Variants in SUMF1 observed in about 807,000 individuals in gnomAD.
SUMF1 encodes the protein sulfatase modifying factor 1.
In SUMF1, 48 loss-of-function variants were observed where a neutral mutation model predicts 47.6. That is an observed-to-expected ratio of 1.01 (90% CI 0.80 to 1.28). The LOEUF is 1.28. Ranked by LOEUF, SUMF1 falls within the 50% of genes most tolerant of loss-of-function variation. SUMF1 has a pLI of 0.00. For synonymous variants in SUMF1, 230 were observed against 192.1 expected (o/e 1.20, Z -1.63); for missense variants, 571 against 485.4 (o/e 1.18, Z -1.66).
intron 8 of SUMF1, among the ~76,000 whole-genome samples, chr3:4,218,840 A>G (rs772577883): frequency 6.6e-6 from 1 of 152,166 alleles, no homozygotes; most frequent in Non-Finnish European, 1.5e-5. Context: ...GTCTAATTAC[A>G]CAAGCTGTTT....
chr3:4,258,983 G>A (rs1005721581), intron 8 of SUMF1, among the ~76,000 whole-genome samples: 2 of 149,258 alleles, frequency 1.3e-5, no homozygotes, highest in East Asian at 3.9e-4. Flanking sequence ...TGAAATTGGA[G>A]ATCATCATTC....
chr3:4,444,834 T>C (rs1702724592), intron 3 of SUMF1, among the ~76,000 whole-genome samples: 1 of 152,218 alleles, frequency 6.6e-6, no homozygotes, highest in Non-Finnish European at 1.5e-5. Context: ...ACCCAGGGCC[T>C]AGACAGGGTC....
intron 8 of SUMF1, among the ~76,000 whole-genome samples, chr3:4,254,507 G>T (rs1161730360): frequency 6.7e-6 from 1 of 149,634 alleles, no homozygotes; most frequent in Non-Finnish European, 1.5e-5. Context: ...TGGAAGAAAG[G>T]GTATCAGCAA....
At chr3:4,291,337 C>G (rs1359186479) in intron 8 of SUMF1, among the ~76,000 whole-genome samples, 1 of 151,984 alleles carries the variant, frequency 6.6e-6, no homozygotes, top group African/African-American at 2.4e-5. Context: ...GCCCTGACTC[C>G]CATCTTATTC....
chr3:4,302,303 A>T (rs1697988099), intron 8 of SUMF1, among the ~76,000 whole-genome samples: 1 of 152,208 alleles, frequency 6.6e-6, no homozygotes, highest in Non-Finnish European at 1.5e-5. Context: ...AAAGGCAGAC[A>T]ACGAGAAGCG....
At chr3:4,207,939 G>A (rs1454694191) in intron 8 of SUMF1, among the ~76,000 whole-genome samples, 1 of 152,108 alleles carries the variant, frequency 6.6e-6, no homozygotes, top group East Asian at 1.9e-4. Flanking sequence ...CAGGGAGAAT[G>A]AGTCATAGGA....
intron 8 of SUMF1, among the ~76,000 whole-genome samples, chr3:4,258,956 C>G (rs1697020774): frequency 6.8e-6 from 1 of 147,774 alleles, no homozygotes; most frequent in African/African-American, 2.5e-5. Context: ...AGTTCATGTC[C>G]TTTGTAGGGA....
At chr3:4,303,619 G>A (rs1207237527) in intron 8 of SUMF1, 7 of 1,380,308 alleles carry the variant, frequency 5.1e-6, no homozygotes, top group Non-Finnish European at 6.5e-6. Context: ...TCCCAGTCGC[G>A]ACCTTTTGTC....
chr3:4,327,379 A>G (rs1698966984), intron 8 of SUMF1, among the ~76,000 whole-genome samples: 1 of 152,150 alleles, frequency 6.6e-6, no homozygotes, highest in Admixed American at 6.6e-5. Flanking sequence ...CTTTTCCATA[A>G]ATTTCCCAAA....
intron 7 of SUMF1, among the ~76,000 whole-genome samples, chr3:4,388,252 C>T (rs1351334443): frequency 6.6e-6 from 1 of 152,040 alleles, no homozygotes; most frequent in African/African-American, 2.4e-5. Context: ...GCTCCATTCT[C>T]TGGGGCATAC....
chr3:4,467,241 G>T lies in SUMF1; in HGVS notation c.5C>A (p.Ala2Asp). 6.2e-7 allele frequency: 1 copy of T among 1,608,510 alleles called. No individual in the cohort carries two copies. The highest frequency in any genetic ancestry group is 8.5e-7 in the Non-Finnish European group (1 of 1,177,924). The change falls in exon 1 of 9, where the codon GCT becomes GAT. Residue 2 changes from alanine (A) to aspartate (D), a missense_variant. Coordinates refer to ENST00000272902, the MANE Select transcript of SUMF1 (RefSeq NM_182760.4). The stretch of plus-strand genomic sequence containing the variant: ...ACACACCAGCCCTAGTGCGGGCGCA[G>T]CCATGTTGTCCCGCGGGCCATGTGA... M[A>D]APALGLVCGR...
chr3:4,300,491 T>C (rs746103581), intron 8 of SUMF1, among the ~76,000 whole-genome samples: 6 of 152,248 alleles, frequency 3.9e-5, no homozygotes, highest in Admixed American at 3.9e-4. Context: ...CAAAATTATG[T>C]GATTTTATAC....
intron 8 of SUMF1, among the ~76,000 whole-genome samples, chr3:4,341,808 ACCTAGAC>A (rs1699278068): frequency 6.6e-6 from 1 of 152,176 alleles, no homozygotes; most frequent in South Asian, 2.1e-4. Flanking sequence ...TGCCTTGCTC[ACCTAGAC>A]ACTGTCACAA....
rs538435700 is a variant in SUMF1 at position 4,188,216 on chromosome 3, C to T, written c.1015-119471G>A. Among the ~76,000 whole-genome samples the T allele has an allele frequency of 9.9e-5, 15 of 151,200 alleles. No individual in the cohort carries two copies. In the East Asian group the frequency reaches 1.8e-3, roughly 18 times the overall value. ...TTTGAGACAGAGTCTCACTCTGTTA[C>T]GCAGGCTGGAGTGCAACGGGGTAAT... On this transcript the variant is annotated intron_variant and NMD_transcript_variant, in intron 8 of 12. Transcript: ENST00000448413.
chr3:4,057,182 C>T (rs1695207868), intron 9 of SUMF1, among the ~76,000 whole-genome samples: 1 of 152,106 alleles, frequency 6.6e-6, no homozygotes, highest in Non-Finnish European at 1.5e-5. Flanking sequence ...GTAGCACCAC[C>T]AGCTGCACTC....
intron 8 of SUMF1, among the ~76,000 whole-genome samples, chr3:4,147,813 T>A (rs538924660): frequency 4.6e-5 from 7 of 152,250 alleles, no homozygotes; most frequent in African/African-American, 1.4e-4. Context: ...CAATCGGAGA[T>A]GGAAATAGTC....
chr3:4,198,569 A>C (rs1695478414), intron 8 of SUMF1, among the ~76,000 whole-genome samples: 1 of 152,072 alleles, frequency 6.6e-6, no homozygotes, highest in Non-Finnish European at 1.5e-5. Context: ...CAAATTGTAA[A>C]CCCACAACTG....
At chr3:4,442,380 C>G (rs1363783801) in intron 3 of SUMF1, among the ~76,000 whole-genome samples, 1 of 151,558 alleles carries the variant, frequency 6.6e-6, no homozygotes, top group African/African-American at 2.4e-5. Flanking sequence ...CTCAGCCTCC[C>G]GAGTAGCTGG....
intron 8 of SUMF1, among the ~76,000 whole-genome samples, chr3:4,069,804 T>A (rs1428492675): frequency 6.6e-6 from 1 of 152,162 alleles, no homozygotes; most frequent in African/African-American, 2.4e-5. Context: ...GAAAAATATA[T>A]AACCCCAAAA....
Sources: allele counts gnomAD v4.1 joint callset (sites outside exome capture counted in the v4.1 genomes callset), GRCh38; gene constraint gnomAD v4.1.1; transcripts MANE v1.5; gene names NCBI Gene and HGNC (gene_info 2026-07-23, HGNC 2026-07-21).